Variants in NFAT5 observed in about 807,000 individuals in gnomAD.
The protein encoded by NFAT5 is nuclear factor of activated T-cells 5.
Under a neutral mutation model 166.5 loss-of-function variants are expected in NFAT5, and 31 were observed. The ratio of observed to expected loss-of-function variants is 0.19; its 90% CI spans 0.14 to 0.25. The LOEUF (loss-of-function observed/expected upper bound fraction) is 0.25. NFAT5 is among the 10% of genes least tolerant of loss of function. The pLI, the probability that NFAT5 is intolerant of heterozygous loss-of-function variation, is 1.00. For synonymous variants in NFAT5, 612 were observed against 639.7 expected (o/e 0.96, Z 0.65); for missense variants, 1,449 against 1,821.8 (o/e 0.80, Z 3.72).
chr16:69,571,313 A>G (rs2016423954), intron 2 of NFAT5, among the ~76,000 whole-genome samples: 1 of 150,402 alleles, frequency 6.6e-6, no homozygotes, highest in Non-Finnish European at 1.5e-5. Flanking sequence ...CAAAAAAACA[A>G]CAACAAACAA....
chr16:69,660,168 C>T lies in NFAT5; in HGVS notation c.1369+269C>T, dbSNP rs190828573. Among the ~76,000 whole-genome samples the T allele has an allele frequency of 2.7e-3, 405 of 152,318 alleles. 2 individuals are homozygous for T. The highest frequency in any genetic ancestry group is 9.4e-3 in the African/African-American group (389 of 41,572). On this transcript the variant is annotated intron_variant, in intron 7 of 14. Transcript: ENST00000349945. ...GTAATTTGGACCAGACAGGGTGGCT[C>T]CCAGCACTTTGGGAGGCCAAGGTGG...
intron 2 of NFAT5, among the ~76,000 whole-genome samples, chr16:69,587,716 AC>A (rs1475380766): frequency 3.3e-5 from 5 of 152,214 alleles, no homozygotes; most frequent in Middle Eastern, 6.8e-3. Flanking sequence ...GTCCTCAACT[AC>A]TAAAGCATTT....
chr16:69,693,161 T>C lies in NFAT5; in HGVS notation c.3336T>C (p.His1112=). ...LSQETQGSLF[H]SPNPIVHSQT... ...AGGAAACTCAAGGTTCTCTCTTTCA[T>C]AGTCCAAATCCTATTGTCCACAGTC... Residue 1112 remains histidine (H), a synonymous_variant, in exon 13 of 15, where the codon CAT becomes CAC. Transcript: ENST00000349945. The C allele has an allele frequency of 6.2e-7, 1 of 1,614,182 alleles. No homozygotes were observed. The highest frequency in any genetic ancestry group is 1.7e-5 in the Admixed American group (1 of 60,028).
Position 69,689,806 on chromosome 16 carries a change from A to G in NFAT5, c.1775-1134A>G, listed in dbSNP as rs1382769300. 1.2e-4 allele frequency among the ~76,000 whole-genome samples: 18 copies of G among 152,178 alleles called. 1 individual carries two copies. On this transcript the variant is annotated intron_variant, in intron 11 of 14. Transcript: ENST00000349945. ...GTGAGCCACCTGCCTCGGCCTCCCA[A>G]AGTGCTGGGATTGCAGGCATGAGCC...
chr16:69,672,606 T>G, intron 9 of NFAT5, among the ~76,000 whole-genome samples: 1 of 152,228 alleles, frequency 6.6e-6, no homozygotes, highest in Admixed American at 6.5e-5. Context: ...TAGTTCATTT[T>G]ATTCACCTTG....
At chr16:69,607,366 C>CT (rs1195872751) in intron 2 of NFAT5, among the ~76,000 whole-genome samples, 2 of 152,130 alleles carry the variant, frequency 1.3e-5, no homozygotes, top group South Asian at 2.1e-4. Flanking sequence ...TGACTTTCTT[C>CT]TTTTTACTTT....
At chr16:69,648,814 C>G in intron 4 of NFAT5, 1 of 946,894 alleles carries the variant, frequency 1.1e-6, no homozygotes, top group Non-Finnish European at 1.3e-6. Context: ...TTGATGACAT[C>G]ACTGATCTTT....
intron 2 of NFAT5, among the ~76,000 whole-genome samples, chr16:69,605,669 T>A (rs897246308): frequency 2.6e-5 from 4 of 152,216 alleles, no homozygotes; most frequent in Admixed American, 6.5e-5. Flanking sequence ...GACTAAACTC[T>A]TTAAGAGTCT....
At chr16:69,691,143 C>G in intron 12 of NFAT5, 55 bp downstream of exon 12, 1 of 1,389,306 alleles carries the variant, frequency 7.2e-7, no homozygotes. Context: ...CTGTCTTTTA[C>G]TTTTCCTATT....
At chr16:69,605,071 T>G (rs1473952476) in intron 2 of NFAT5, among the ~76,000 whole-genome samples, 1 of 152,180 alleles carries the variant, frequency 6.6e-6, no homozygotes, top group Non-Finnish European at 1.5e-5. Flanking sequence ...TTCTTTTAAG[T>G]ATAAGAAGTT....
chr16:69,566,178 G>A lies in NFAT5; in HGVS notation c.-124G>A, dbSNP rs2016018945. The A allele has an allele frequency of 1.4e-6, 1 of 730,284 alleles. No homozygotes were observed. 45.2% of individuals were successfully genotyped at this position (730,284 alleles called of 1,614,324 possible). ...GGAAGTCACTACCCTCGAGGAGGAGGCAGCGGCAGCCGCCCTCGCGTCGCC... is the reference window on the plus strand; with the variant it reads ...GGAAGTCACTACCCTCGAGGAGGAGACAGCGGCAGCCGCCCTCGCGTCGCC... On this transcript the variant is annotated 5_prime_UTR_variant, in exon 1 of 15. Coordinates refer to ENST00000349945, the MANE Select transcript of NFAT5 (RefSeq NM_138713.4). The surrounding 1 kb of genome is among the most constrained non-coding windows in gnomAD (Gnocchi z 5.7).
chr16:69,606,776 C>A (rs1597389805), intron 2 of NFAT5, among the ~76,000 whole-genome samples: 1 of 152,108 alleles, frequency 6.6e-6, no homozygotes, highest in African/African-American at 2.4e-5. Context: ...ATTGCTTGAA[C>A]TGGGGAGGCA....
intron 10 of NFAT5, among the ~76,000 whole-genome samples, chr16:69,678,355 C>T (rs886748811): frequency 3.3e-5 from 5 of 151,628 alleles, no homozygotes; most frequent in Non-Finnish European, 5.9e-5. Flanking sequence ...GCTGGGACTA[C>T]GGGTGTACAC....
Position 69,691,823 on chromosome 16 carries a change from A to G in NFAT5, c.1998A>G (p.Ser666=), listed in dbSNP as rs764911018. 34 of 1,614,160 alleles carry G rather than the reference A, an allele frequency of 2.1e-5. No homozygotes were observed. In the South Asian group the frequency reaches 3.6e-4, roughly 17 times the overall value. The change falls in exon 13 of 15, where the codon TCA becomes TCG. Residue 666 remains serine, a synonymous_variant. Coordinates refer to ENST00000349945, the MANE Select transcript of NFAT5 (RefSeq NM_138713.4). Reference sequence around the variant, plus strand: ...ACATAGCAGGAAATGGCTCTTTTTCATCACCATCATCTTCCCACCTACCTT... The same window carrying G: ...ACATAGCAGGAAATGGCTCTTTTTCGTCACCATCATCTTCCCACCTACCTT... ...ISNIAGNGSF[S]SPSSSHLPSE...
chr16:69,607,120 A>C (rs1216990979), intron 2 of NFAT5, among the ~76,000 whole-genome samples: 3 of 152,208 alleles, frequency 2.0e-5, no homozygotes, highest in Non-Finnish European at 4.4e-5. Context: ...TACAAGGTAG[A>C]TAGGTATTAC....
intron 2 of NFAT5, among the ~76,000 whole-genome samples, chr16:69,577,165 G>A (rs930567535): frequency 1.3e-5 from 2 of 151,960 alleles, no homozygotes; most frequent in African/African-American, 4.8e-5. Flanking sequence ...TATACATTTT[G>A]TTGTTCTGCT....
intron 3 of NFAT5, among the ~76,000 whole-genome samples, chr16:69,641,792 G>A (rs962585208): frequency 1.3e-5 from 2 of 152,004 alleles, no homozygotes; most frequent in African/African-American, 4.8e-5. Context: ...TTCTATAAAT[G>A]GTATCGTTTA....
intron 12 of NFAT5, 32 bp from the exon 13 acceptor site, chr16:69,691,717 A>G: frequency 6.5e-7 from 1 of 1,531,470 alleles, no homozygotes; most frequent in African/African-American, 1.4e-5. Flanking sequence ...ATGTTTATAT[A>G]TTCATAATAT....
intron 2 of NFAT5, among the ~76,000 whole-genome samples, chr16:69,594,154 G>A (rs1009144267): frequency 6.6e-6 from 1 of 152,276 alleles, no homozygotes; most frequent in South Asian, 2.1e-4. Context: ...TGAGAAATGC[G>A]TCATTAGGTA....
Sources: allele counts gnomAD v4.1 joint callset (sites outside exome capture counted in the v4.1 genomes callset), GRCh38; gene constraint gnomAD v4.1.1; non-coding constraint Gnocchi (gnomAD v3.1); transcripts MANE v1.5; gene names NCBI Gene and HGNC (gene_info 2026-07-23, HGNC 2026-07-21).